Variants in CNTN6 observed in about 807,000 individuals in gnomAD.
CNTN6 encodes the protein contactin-6.
In CNTN6, 137 loss-of-function variants were observed where a neutral mutation model predicts 122.8. The ratio of observed to expected loss-of-function variants is 1.12; its 90% CI spans 0.97 to 1.29. CNTN6 has a LOEUF of 1.29. Among genes scored for constraint, CNTN6 ranks in the 50% most tolerant of loss-of-function variants. The pLI is 0.00. For missense variants in CNTN6, 1,634 were observed against 1,223.4 expected (o/e 1.34, Z -5.01); for synonymous variants, 570 against 426.0 (o/e 1.34, Z -4.16).
chr3:1,382,165 C>T (rs987949155), intron 17 of CNTN6, among the ~76,000 whole-genome samples: 52 of 149,948 alleles, frequency 3.5e-4, no homozygotes, highest in African/African-American at 1.2e-3. Flanking sequence ...ATTGATTTTT[C>T]AATACAAGTT....
chr3:1,179,527 A>C (rs1040849128), intron 2 of CNTN6, among the ~76,000 whole-genome samples: 1 of 152,056 alleles, frequency 6.6e-6, no homozygotes, highest in African/African-American at 2.4e-5. Context: ...AGTGTTTCCC[A>C]CAGCTGTAAT....
rs550468604 is a variant in CNTN6 at position 1,267,602 on chromosome 3, T to A, written c.359-10811T>A. Among the ~76,000 whole-genome samples the A allele has an allele frequency of 3.9e-5, 6 of 152,204 alleles. No homozygotes were observed. The South Asian group carries it at 8.3e-4, about 21-fold the overall frequency. On this transcript the variant is annotated intron_variant, in intron 4 of 22. Transcript: ENST00000446702. ...ATAAACACTTGATATTGGAGAAAAATTGGAATGCTGATATCCAAGTAGGAA... is the reference window on the plus strand; with the variant it reads ...ATAAACACTTGATATTGGAGAAAAAATGGAATGCTGATATCCAAGTAGGAA...
At chr3:1,206,409 T>G (rs2093958630) in intron 2 of CNTN6, among the ~76,000 whole-genome samples, 1 of 152,176 alleles carries the variant, frequency 6.6e-6, no homozygotes, top group Admixed American at 6.6e-5. Flanking sequence ...ATGGAAGCTT[T>G]CTTTCTAAGG....
At chr3:1,245,233 TATAC>T (rs1264762125) in intron 4 of CNTN6, among the ~76,000 whole-genome samples, 5 of 9,018 alleles carry the variant, frequency 5.5e-4, no homozygotes, top group African/African-American at 2.3e-3. Context: ...TATATATATA[TATAC>T]ACACACACAT....
At chr3:1,112,307 T>C (rs1354160113) in intron 1 of CNTN6, among the ~76,000 whole-genome samples, 1 of 152,084 alleles carries the variant, frequency 6.6e-6, no homozygotes, top group Non-Finnish European at 1.5e-5. Flanking sequence ...TTAGAAAAAT[T>C]GAGACTCTCG....
chr3:1,344,330 C>T lies in CNTN6; in HGVS notation c.1365-7994C>T, dbSNP rs530057567. Among the ~76,000 whole-genome samples the T allele has an allele frequency of 5.3e-5, 8 of 152,180 alleles. No individual in the cohort carries two copies. The East Asian group carries it at 1.5e-3, about 29-fold the overall frequency. ...GTAGCTTGACATCGTAGGTTGTCAG[C>T]TACATAGGTTGCTTCCAGACAGGCT... is the stretch of plus-strand genomic sequence containing the variant. On this transcript the variant is annotated intron_variant, in intron 11 of 22. Transcript: ENST00000446702.
At chr3:1,346,071 A>G (rs972154336) in intron 11 of CNTN6, among the ~76,000 whole-genome samples, 2 of 152,094 alleles carry the variant, frequency 1.3e-5, no homozygotes, top group Non-Finnish European at 2.9e-5. Context: ...ATACCAAACA[A>G]AAAATCTGGA....
At chr3:1,401,863 A>T (rs1695756538) in intron 21 of CNTN6, among the ~76,000 whole-genome samples, 1 of 152,062 alleles carries the variant, frequency 6.6e-6, no homozygotes, top group Non-Finnish European at 1.5e-5. Flanking sequence ...CAAAAAATAT[A>T]TCTAAATAGA....
chr3:1,286,306 C>CTT (rs1358732795), intron 5 of CNTN6, among the ~76,000 whole-genome samples: 1 of 152,158 alleles, frequency 6.6e-6, no homozygotes, highest in Non-Finnish European at 1.5e-5. Context: ...CATCAACCGG[C>CTT]CATCTACATT....
chr3:1,183,268 T>A (rs1248273303), intron 2 of CNTN6, among the ~76,000 whole-genome samples: 3 of 152,138 alleles, frequency 2.0e-5, no homozygotes, highest in Non-Finnish European at 4.4e-5. Context: ...TCCGAAGCTA[T>A]CATGGTTCAA....
chr3:1,311,195 GTGT>G (rs1433075517), intron 7 of CNTN6, among the ~76,000 whole-genome samples: 180 of 140,336 alleles, frequency 1.3e-3, no homozygotes, highest in African/African-American at 5.4e-5. Flanking sequence ...ATATATATAG[GTGT>G]TGTATATATA....
intron 5 of CNTN6, among the ~76,000 whole-genome samples, chr3:1,294,233 T>C (rs1185451167): frequency 6.6e-6 from 1 of 152,164 alleles, no homozygotes; most frequent in Admixed American, 6.5e-5. Context: ...AATCAAATTA[T>C]GGTATATTCA....
intron 2 of CNTN6, among the ~76,000 whole-genome samples, chr3:1,177,366 A>G (rs73105177): frequency 0.016 from 2,435 of 152,310 alleles, 65 homozygotes; most frequent in African/African-American, 0.054. Context: ...TTTTTCTCAG[A>G]AAATAATGCT....
intron 8 of CNTN6, among the ~76,000 whole-genome samples, chr3:1,323,230 C>T (rs564958182): frequency 3.5e-4 from 53 of 151,810 alleles, no homozygotes; most frequent in Non-Finnish European, 6.8e-4. Context: ...AAACAATGTT[C>T]AGTGATACTA....
At chr3:1,289,620 G>C (rs1037910541) in intron 5 of CNTN6, among the ~76,000 whole-genome samples, 1 of 151,788 alleles carries the variant, frequency 6.6e-6, no homozygotes, top group African/African-American at 2.4e-5. Flanking sequence ...TCCCTTCCCA[G>C]TGTGATGATG....
intron 2 of CNTN6, among the ~76,000 whole-genome samples, chr3:1,154,826 G>A (rs2092928265): frequency 6.6e-6 from 1 of 152,286 alleles, no homozygotes; most frequent in African/African-American, 2.4e-5. Flanking sequence ...ATCAAGTCAC[G>A]AAACAATCTG....
At chr3:1,193,386 T>C (rs1205421129) in intron 2 of CNTN6, among the ~76,000 whole-genome samples, 2 of 152,174 alleles carry the variant, frequency 1.3e-5, no homozygotes, top group East Asian at 3.9e-4. Context: ...TTGTTAGTTA[T>C]ATGATCTTTG....
chr3:1,158,333 T>C (rs1283522231), intron 2 of CNTN6, among the ~76,000 whole-genome samples: 1 of 152,222 alleles, frequency 6.6e-6, no homozygotes, highest in Non-Finnish European at 1.5e-5. Flanking sequence ...TATGTCTTCT[T>C]TTGAGAAATA....
At chr3:1,270,985 C>G (rs183914063) in intron 4 of CNTN6, among the ~76,000 whole-genome samples, 2 of 152,322 alleles carry the variant, frequency 1.3e-5, no homozygotes, top group East Asian at 1.9e-4. Context: ...TCTTGGCTCA[C>G]TGCAACCTCT....
Sources: allele counts gnomAD v4.1 joint callset (sites outside exome capture counted in the v4.1 genomes callset), GRCh38; gene constraint gnomAD v4.1.1; transcripts MANE v1.5; gene names NCBI Gene and HGNC (gene_info 2026-07-23, HGNC 2026-07-21).